EDIL3: variants seen among roughly 807,000 people sequenced by gnomAD.
EDIL3 encodes EGF-like repeat and discoidin I-like domain-containing protein 3.
In EDIL3, 37 loss-of-function variants were observed where a neutral mutation model predicts 67.4. That is an observed-to-expected ratio of 0.55 (90% CI 0.42 to 0.72). The LOEUF (loss-of-function observed/expected upper bound fraction) is 0.72, where lower values mean the gene tolerates loss of function less well. Among genes scored for constraint, EDIL3 ranks in the 30% least tolerant of loss-of-function variants. The probability of loss-of-function intolerance (pLI) is 0.00; values close to 1 mark genes in which losing one functional copy is unlikely to be tolerated. For missense variants in EDIL3, 527 were observed against 586.3 expected (o/e 0.90, Z 1.04); for synonymous variants, 195 against 196.3 (o/e 0.99, Z 0.05).
intron 9 of EDIL3, among the ~76,000 whole-genome samples, chr5:84,023,836 A>C (rs1020576593): frequency 1.2e-4 from 19 of 152,244 alleles, no homozygotes; most frequent in African/African-American, 4.6e-4. Flanking sequence ...TTAATGAAAA[A>C]ACCCATAAAA....
intron 1 of EDIL3, among the ~76,000 whole-genome samples, chr5:84,310,307 A>C (rs1746358854): frequency 6.6e-6 from 1 of 152,238 alleles, no homozygotes; most frequent in Non-Finnish European, 1.5e-5. Flanking sequence ...TAATTTATCC[A>C]AAGTGTGAGA....
At chr5:84,178,108 T>C (rs141944610) in intron 4 of EDIL3, among the ~76,000 whole-genome samples, 1,837 of 152,328 alleles carry the variant, frequency 0.012, 33 homozygotes, top group African/African-American at 0.042. Context: ...ATTTTGCCTA[T>C]ATTTATTATT....
intron 1 of EDIL3, among the ~76,000 whole-genome samples, chr5:84,268,669 C>T (rs1363118940): frequency 6.6e-6 from 1 of 152,126 alleles, no homozygotes; most frequent in Non-Finnish European, 1.5e-5. Flanking sequence ...GATTCACGCA[C>T]TTTTATTGTT....
At chr5:84,139,000 C>G (rs925382935) in intron 4 of EDIL3, among the ~76,000 whole-genome samples, 1 of 152,124 alleles carries the variant, frequency 6.6e-6, no homozygotes, top group African/African-American at 2.4e-5. Flanking sequence ...AGCACTTTGG[C>G]AGGCCAAGGC....
chr5:84,371,439 A>G (rs1388324321), intron 1 of EDIL3, among the ~76,000 whole-genome samples: 3 of 66,658 alleles, frequency 4.5e-5, no homozygotes, highest in African/African-American at 6.3e-5. Flanking sequence ...GTGTGTATAT[A>G]TATATATATA....
intron 3 of EDIL3, among the ~76,000 whole-genome samples, chr5:84,202,484 T>C (rs1253884789): frequency 6.6e-6 from 1 of 152,118 alleles, no homozygotes; most frequent in Non-Finnish European, 1.5e-5. Flanking sequence ...TTTAGTACTA[T>C]AGGATATCAG....
chr5:84,031,443 C>T (rs958588359), intron 9 of EDIL3, among the ~76,000 whole-genome samples: 1 of 152,164 alleles, frequency 6.6e-6, no homozygotes, highest in African/African-American at 2.4e-5. Context: ...ATTTTTGTGG[C>T]TGTGACTTAG....
chr5:84,102,922 A>AC (rs1166924612), intron 6 of EDIL3, among the ~76,000 whole-genome samples: 1 of 151,754 alleles, frequency 6.6e-6, no homozygotes, highest in Non-Finnish European at 1.5e-5. Flanking sequence ...CAAAAATAAA[A>AC]CCCCCCAAAA....
chr5:83,943,545 A>G lies in EDIL3; in HGVS notation c.1317T>C (p.Asn439=), dbSNP rs199597050. The change falls in exon 11 of 11, where the codon AAT becomes AAC. Residue 439 remains asparagine (N), a synonymous_variant. Coordinates refer to ENST00000296591, the MANE Select transcript of EDIL3 (RefSeq NM_005711.5). ...KDKVFQGNFD[N]DTHRKNVIDP... ...CGATGACATTTTTTCTGTGAGTGTCATTGTCAAAATTTCCCTGGAAAACCT... is the reference window on the plus strand; with the variant it reads ...CGATGACATTTTTTCTGTGAGTGTCGTTGTCAAAATTTCCCTGGAAAACCT... 329 of 1,612,236 alleles carry G rather than the reference A, an allele frequency of 2.0e-4. No homozygotes were observed. The Middle Eastern group carries it at 3.0e-3, about 15-fold the overall frequency.
intron 1 of EDIL3, among the ~76,000 whole-genome samples, chr5:84,312,009 T>C (rs1018745847): frequency 6.6e-6 from 1 of 152,198 alleles, no homozygotes; most frequent in African/African-American, 2.4e-5. Flanking sequence ...TTTCCCCGCC[T>C]TTCCCCACTT....
chr5:84,334,711 A>G (rs74462807), intron 1 of EDIL3, among the ~76,000 whole-genome samples: 1,768 of 152,298 alleles, frequency 0.012, 20 homozygotes, highest in Non-Finnish European at 0.018. Context: ...ATGCCCTCAA[A>G]GTCACATTTT....
chr5:84,314,263 G>A (rs115508691), intron 1 of EDIL3, among the ~76,000 whole-genome samples: 25 of 152,198 alleles, frequency 1.6e-4, no homozygotes, highest in South Asian at 2.1e-4. Flanking sequence ...GAGGCAGTCC[G>A]TACTATGACT....
intron 5 of EDIL3, among the ~76,000 whole-genome samples, chr5:84,129,160 G>C (rs1308190333): frequency 6.6e-6 from 1 of 152,102 alleles, no homozygotes; most frequent in African/African-American, 2.4e-5. Flanking sequence ...AAGGAAGATA[G>C]AACTTCCATG....
At chr5:84,240,460 C>T (rs961850534) in intron 2 of EDIL3, among the ~76,000 whole-genome samples, 1 of 152,208 alleles carries the variant, frequency 6.6e-6, no homozygotes, top group East Asian at 1.9e-4. Flanking sequence ...GGGCATGAAC[C>T]GGTATGGGTC....
At chr5:84,367,877 AT>A (rs1747773595) in intron 1 of EDIL3, among the ~76,000 whole-genome samples, 1 of 152,128 alleles carries the variant, frequency 6.6e-6, no homozygotes, top group South Asian at 2.1e-4. Flanking sequence ...GTGAGAAAAG[AT>A]TTTCAGCTTT....
At chr5:84,269,078 C>T (rs776087991) in intron 1 of EDIL3, among the ~76,000 whole-genome samples, 17 of 152,270 alleles carry the variant, frequency 1.1e-4, no homozygotes, top group Admixed American at 5.9e-4. Context: ...ACTGTTAGCT[C>T]ATTTTATGTA....
At chr5:84,185,345 T>C (rs933670254) in intron 3 of EDIL3, among the ~76,000 whole-genome samples, 1 of 152,102 alleles carries the variant, frequency 6.6e-6, no homozygotes, top group African/African-American at 2.4e-5. Context: ...TGGGTCACAG[T>C]GTATTAGATA....
At chr5:83,957,279 C>T (rs907139366) in intron 10 of EDIL3, among the ~76,000 whole-genome samples, 17 of 151,644 alleles carry the variant, frequency 1.1e-4, no homozygotes, top group African/African-American at 4.1e-4. Context: ...GCTTTTCCCC[C>T]TGCTATCATC....
intron 2 of EDIL3, among the ~76,000 whole-genome samples, chr5:84,237,417 T>C (rs1744702819): frequency 6.6e-6 from 1 of 152,100 alleles, no homozygotes; most frequent in Non-Finnish European, 1.5e-5. Context: ...ATTGGTACAA[T>C]GGGTTAAGGT....
Sources: allele counts gnomAD v4.1 joint callset (sites outside exome capture counted in the v4.1 genomes callset), GRCh38; gene constraint gnomAD v4.1.1; transcripts MANE v1.5; gene names NCBI Gene and HGNC (gene_info 2026-07-23, HGNC 2026-07-21).